The following TUSC3 variants were observed in gnomAD, a reference collection of about 807,000 sequenced individuals.
The protein encoded by TUSC3 is dolichyl-diphosphooligosaccharide--protein glycosyltransferase subunit TUSC3.
In TUSC3, 45 loss-of-function variants were observed where a neutral mutation model predicts 44.8. The observed-to-expected ratio is 1.00, with a 90% CI of 0.79 to 1.29. The LOEUF is 1.29. Ranked by LOEUF, TUSC3 falls within the 50% of genes most tolerant of loss-of-function variation. The pLI is 0.00. For missense variants in TUSC3, 519 were observed against 437.9 expected (o/e 1.19, Z -1.65); for synonymous variants, 212 against 152.9 (o/e 1.39, Z -2.85).
At position 15,545,200 on chromosome 8, in the gene TUSC3, A is replaced by C. The variant is rs1037193438; in HGVS notation, c.138+4632A>C. The stretch of plus-strand genomic sequence containing the variant: ...GTCAGTATTACTGTCATAACTATTA[A>C]ATATTTCTTCCTTGAAAGCAACTAA... On this transcript the variant is annotated intron_variant, in intron 1 of 10. Transcript: ENST00000503731. Among the ~76,000 whole-genome samples the C allele has an allele frequency of 5.9e-5, 9 of 151,532 alleles. 1 individual carries two copies. Among genetic ancestry groups the C allele is most frequent in the Admixed American group, 2.0e-4 (3 of 15,164 alleles).
chr8:15,531,245 A>G (rs915655198), intron 2 of TUSC3, among the ~76,000 whole-genome samples: 1 of 152,138 alleles, frequency 6.6e-6, no homozygotes, highest in East Asian at 1.9e-4. Flanking sequence ...CTTTGCTTTC[A>G]TTCCTGCTCT....
chr8:15,480,028 C>T (rs1435947808), intron 1 of TUSC3, among the ~76,000 whole-genome samples: 6 of 152,120 alleles, frequency 3.9e-5, no homozygotes, highest in African/African-American at 1.4e-4. Flanking sequence ...AGAGCCAAAT[C>T]ATGAATGAAT....
chr8:15,506,270 C>G (rs1470330358), intron 2 of TUSC3, among the ~76,000 whole-genome samples: 2 of 152,174 alleles, frequency 1.3e-5, no homozygotes, highest in East Asian at 3.9e-4. Flanking sequence ...CCACTCTCCC[C>G]TGAGGCTAGT....
At chr8:15,445,885 C>T (rs1186815655) in intron 1 of TUSC3, among the ~76,000 whole-genome samples, 1 of 152,072 alleles carries the variant, frequency 6.6e-6, no homozygotes, top group African/African-American at 2.4e-5. Flanking sequence ...CTCCTCACTT[C>T]CCAGACGGGG....
At chr8:15,704,058 G>A (rs551198663) in intron 6 of TUSC3, among the ~76,000 whole-genome samples, 33 of 152,182 alleles carry the variant, frequency 2.2e-4, no homozygotes, top group South Asian at 6.2e-4. Flanking sequence ...ATGTCAGGTG[G>A]TAGTAAATAC....
intron 6 of TUSC3, among the ~76,000 whole-genome samples, chr8:15,699,834 T>A (rs1585244453): frequency 6.6e-6 from 1 of 152,174 alleles, no homozygotes; most frequent in Non-Finnish European, 1.5e-5. Flanking sequence ...TAAAATGGAT[T>A]TCTTTTGACC....
intron 1 of TUSC3, among the ~76,000 whole-genome samples, chr8:15,582,862 A>C (rs1803431323): frequency 6.6e-6 from 1 of 152,206 alleles, no homozygotes; most frequent in Admixed American, 6.5e-5. Flanking sequence ...GATATGTAAC[A>C]CTTCTCCTTT....
intron 6 of TUSC3, among the ~76,000 whole-genome samples, chr8:15,728,330 T>A (rs982796604): frequency 6.6e-6 from 1 of 152,048 alleles, no homozygotes; most frequent in Non-Finnish European, 1.5e-5. Flanking sequence ...ATCAGACAAA[T>A]CTTTGGGCCT....
intron 1 of TUSC3, among the ~76,000 whole-genome samples, chr8:15,442,140 A>T (rs1275549428): frequency 6.6e-6 from 1 of 151,716 alleles, no homozygotes; most frequent in Non-Finnish European, 1.5e-5. Context: ...GGATTTAGGG[A>T]TTTTTTTTCT....
intron 6 of TUSC3, among the ~76,000 whole-genome samples, chr8:15,722,901 A>G (rs1283387437): frequency 1.3e-5 from 2 of 152,084 alleles, no homozygotes; most frequent in Non-Finnish European, 2.9e-5. Flanking sequence ...CTTTCACAAT[A>G]TTACACATTG....
intron 1 of TUSC3, among the ~76,000 whole-genome samples, chr8:15,603,401 A>T (rs1272252692): frequency 6.6e-6 from 1 of 151,684 alleles, no homozygotes; most frequent in Non-Finnish European, 1.5e-5. Context: ...GGGAACCCAC[A>T]TGTTGCTGGT....
intron 6 of TUSC3, among the ~76,000 whole-genome samples, chr8:15,685,325 G>A (rs1156593908): frequency 6.6e-6 from 1 of 152,070 alleles, no homozygotes; most frequent in Non-Finnish European, 1.5e-5. Context: ...CAGCGACTCT[G>A]AGTGGCTTCC....
the TUSC3 span, among the ~76,000 whole-genome samples, chr8:15,841,855 C>G: frequency 6.6e-6 from 1 of 152,144 alleles, no homozygotes; most frequent in East Asian, 1.9e-4. Context: ...AAATGTACTT[C>G]TTTCACTCCA....
At chr8:15,696,306 G>A (rs1400728338) in intron 6 of TUSC3, among the ~76,000 whole-genome samples, 1 of 152,186 alleles carries the variant, frequency 6.6e-6, no homozygotes. Flanking sequence ...GAGGGCACAA[G>A]CTCCAAGCCT....
chr8:15,631,326 C>T (rs546396864), intron 2 of TUSC3, among the ~76,000 whole-genome samples: 1 of 152,242 alleles, frequency 6.6e-6, no homozygotes, highest in South Asian at 2.1e-4. Context: ...ATAATCCCAC[C>T]ATTTTTACTG....
chr8:15,598,258 T>A (rs539298939), intron 1 of TUSC3, among the ~76,000 whole-genome samples: 1 of 152,098 alleles, frequency 6.6e-6, no homozygotes, highest in Admixed American at 6.6e-5. Context: ...TTTTTTCTTG[T>A]TCTAGACGTA....
chr8:15,823,298 A>G, the TUSC3 span, among the ~76,000 whole-genome samples: 1 of 152,074 alleles, frequency 6.6e-6, no homozygotes, highest in Non-Finnish European at 1.5e-5. Flanking sequence ...TGTCGTTTTC[A>G]TTATTTCTTT....
chr8:15,790,790 A>C, the TUSC3 span, among the ~76,000 whole-genome samples: 51,600 of 151,942 alleles, frequency 0.34, 9,006 homozygotes, highest in Admixed American at 0.44. Flanking sequence ...TGAGGATATG[A>C]AATTAATTCA....
intron 2 of TUSC3, among the ~76,000 whole-genome samples, chr8:15,521,954 C>A (rs1284531845): frequency 6.6e-6 from 1 of 152,168 alleles, no homozygotes; most frequent in African/African-American, 2.4e-5. Flanking sequence ...ATTACTTTTG[C>A]AGCAAACGAA....
Sources: allele counts gnomAD v4.1 joint callset (sites outside exome capture counted in the v4.1 genomes callset), GRCh38; gene constraint gnomAD v4.1.1; transcripts MANE v1.5; gene names NCBI Gene and HGNC (gene_info 2026-07-23, HGNC 2026-07-21).